The following OTUD7B variants were observed in gnomAD, a reference collection of about 807,000 sequenced individuals.
OTUD7B encodes OTU domain-containing protein 7B.
OTUD7B carries 34 observed loss-of-function variants against 82.2 expected under a neutral mutation model. That is an observed-to-expected ratio of 0.41 (90% CI 0.31 to 0.55). OTUD7B has a LOEUF of 0.55. OTUD7B is among the 20% of genes least tolerant of loss of function. The probability of loss-of-function intolerance (pLI) is 0.20; values close to 1 mark genes in which losing one functional copy is unlikely to be tolerated. For synonymous variants in OTUD7B, 398 were observed against 402.7 expected, an observed-to-expected ratio of 0.99 and a Z score of 0.14; for missense variants, 944 against 1,062.1, an observed-to-expected ratio of 0.89 and a Z score of 1.55.
the OTUD7B span, among the ~76,000 whole-genome samples, chr1:150,058,157 T>A: frequency 6.6e-6 from 1 of 152,212 alleles, no homozygotes; most frequent in East Asian, 1.9e-4. Context: ...CTTGACCCTC[T>A]ACTGCTTTGC....
At position 149,944,090 on chromosome 1, in the gene OTUD7B, G is replaced by A. The variant is rs367568103; in HGVS notation, c.2299C>T (p.Pro767Ser). The stretch of plus-strand genomic sequence containing the variant: ...TAGGAATCAGCCACTCGGTAGGGGG[G>A]TGGTAACAAGGCACCCCTGTGAAGT... ...DGLHRGALLP[P>S]PYRVADSYSN... is the part of the protein sequence containing the mutation. Residue 767 changes from proline to serine, a missense_variant, in exon 12 of 12, where the codon CCC (proline) becomes TCC (serine). Pro to Ser is a moderately conservative substitution (Grantham distance 74). Coordinates refer to ENST00000581312, the MANE Select transcript of OTUD7B (RefSeq NM_020205.4). The A allele has an allele frequency of 1.9e-6, 3 of 1,613,990 alleles. No individual in the cohort carries two copies. In the African/African-American group the frequency reaches 4.0e-5, roughly 22 times the overall value.
At chr1:149,949,286 GAGTCCCCACC>G in intron 9 of OTUD7B, among the ~76,000 whole-genome samples, 1 of 152,270 alleles carries the variant, frequency 6.6e-6, no homozygotes, top group South Asian at 2.1e-4. Context: ...AAATCTCCCT[GAGTCCCCACC>G]AGTCAGTCAA....
At chr1:150,052,137 T>C in the OTUD7B span, among the ~76,000 whole-genome samples, 2 of 152,116 alleles carry the variant, frequency 1.3e-5, no homozygotes, top group African/African-American at 4.8e-5. Context: ...CTCTCACCAC[T>C]CCTATTCAAC....
intron 7 of OTUD7B, among the ~76,000 whole-genome samples, chr1:149,950,893 G>C (rs1368611202): frequency 6.9e-6 from 1 of 144,434 alleles, no homozygotes; most frequent in Non-Finnish European, 1.5e-5. Flanking sequence ...CCAAGTTCAC[G>C]CCATTCTCCT....
At chr1:150,012,812 T>C (rs1308579052), upstream of OTUD7B, among the ~76,000 whole-genome samples, 2 of 152,228 alleles carry the variant, frequency 1.3e-5, no homozygotes, top group Non-Finnish European at 2.9e-5. Context: ...CATTGTTGTT[T>C]GTGCAGTTGC....
the OTUD7B span, among the ~76,000 whole-genome samples, chr1:150,051,677 G>A: frequency 6.6e-6 from 1 of 152,144 alleles, no homozygotes; most frequent in African/African-American, 2.4e-5. Flanking sequence ...AAGGAAAGTT[G>A]CAAAGGTTAA....
At chr1:150,021,574 A>C in the OTUD7B span, among the ~76,000 whole-genome samples, 1 of 152,230 alleles carries the variant, frequency 6.6e-6, no homozygotes, top group East Asian at 1.9e-4. Flanking sequence ...AACCAGTGCT[A>C]CAGAGTGAAA....
the OTUD7B span, among the ~76,000 whole-genome samples, chr1:150,020,174 A>T: frequency 2.6e-5 from 4 of 152,038 alleles, no homozygotes; most frequent in African/African-American, 9.7e-5. Context: ...GCCTACTTTT[A>T]AGGTAGGTGA....
At chr1:150,065,773 AG>A in the OTUD7B span, among the ~76,000 whole-genome samples, 16,113 of 150,892 alleles carry the variant, frequency 0.11, 1,197 homozygotes, top group Non-Finnish European at 0.16. Flanking sequence ...GGTTTTCTTC[AG>A]GAAGGAAGGA....
the OTUD7B span, among the ~76,000 whole-genome samples, chr1:150,042,644 G>A: frequency 6.6e-6 from 1 of 152,028 alleles, no homozygotes; most frequent in African/African-American, 2.4e-5. Context: ...CTGGGCTAAT[G>A]AGCAGCATGC....
At position 149,944,146 on chromosome 1, in the gene OTUD7B, G is replaced by A. The variant is rs782581576; in HGVS notation, c.2243C>T (p.Ser748Phe). The change falls in exon 12 of 12, where the codon TCT (serine) becomes TTT (phenylalanine). Residue 748 changes from serine (S) to phenylalanine (F), a missense_variant. Physicochemically the swap from Ser to Phe is radical, Grantham distance 155. This residue lies in a region of OTUD7B where 412 missense variants were observed against 418.7 expected (regional missense o/e 0.98). Coordinates refer to ENST00000581312, the MANE Select transcript of OTUD7B (RefSeq NM_020205.4). Reference sequence around the variant, plus strand: ...CTTAGAGTGGCTGCCTGGCTCCAGAGAAGGGATGCTGTCCTGGTGGGGGTA... The same window carrying A: ...CTTAGAGTGGCTGCCTGGCTCCAGAAAAGGGATGCTGTCCTGGTGGGGGTA... ...RPYPHQDSIPSLEPGSHSKDG... is the reference protein window; with the variant it reads ...RPYPHQDSIPFLEPGSHSKDG... 4.3e-6 allele frequency: 7 copies of A among 1,614,058 alleles called. No homozygotes were observed. The highest frequency in any genetic ancestry group is 1.7e-5 in the Admixed American group (1 of 60,016).
At chr1:150,000,705 A>T (rs1652223326) in intron 1 of OTUD7B, among the ~76,000 whole-genome samples, 1 of 152,124 alleles carries the variant, frequency 6.6e-6, no homozygotes, top group Non-Finnish European at 1.5e-5. Flanking sequence ...GGGACCAGGC[A>T]TGGTGGCTCA....
In OTUD7B at chr1:149,997,988, G is replaced by A. The variant is rs187021640; in HGVS notation, c.-67+12460C>T. On this transcript the variant is annotated intron_variant, in intron 1 of 11. Transcript: ENST00000581312. Reference sequence around the variant, plus strand: ...GAATTCAGTATCCACTGAGAATGCTGAGCCAGACTCAGTACCTTTCAAAGC... The same window carrying A: ...GAATTCAGTATCCACTGAGAATGCTAAGCCAGACTCAGTACCTTTCAAAGC... Among the ~76,000 whole-genome samples the A allele has an allele frequency of 8.5e-5, 13 of 152,202 alleles. No homozygotes were observed. The East Asian group carries it at 2.5e-3, about 29-fold the overall frequency.
the OTUD7B span, among the ~76,000 whole-genome samples, chr1:150,041,755 G>T: frequency 6.6e-6 from 1 of 151,996 alleles, no homozygotes; most frequent in Non-Finnish European, 1.5e-5. Context: ...AATTGAGTGT[G>T]CCTTTTATTG....
chr1:149,968,870 C>T (rs1246308287), intron 3 of OTUD7B, among the ~76,000 whole-genome samples: 1 of 149,550 alleles, frequency 6.7e-6, no homozygotes, highest in Admixed American at 6.6e-5. Context: ...GCCACCACAC[C>T]CAGCTAATTT....
At chr1:149,945,960 T>C (rs1647685428) in intron 11 of OTUD7B, among the ~76,000 whole-genome samples, 1 of 151,968 alleles carries the variant, frequency 6.6e-6, no homozygotes, top group Admixed American at 6.6e-5. Flanking sequence ...CTCAGGAGGC[T>C]GAGGCAGGAG....
chr1:149,944,571 C>T lies in OTUD7B; in HGVS notation c.1818G>A (p.Glu606=), dbSNP rs1553771502. 6.2e-7 allele frequency: 1 copy of T among 1,614,128 alleles called. No homozygotes were observed. Among genetic ancestry groups the T allele is most frequent in the Non-Finnish European group, 8.5e-7 (1 of 1,180,034 alleles). Residue 606 remains glutamate (E), a synonymous_variant, in exon 12 of 12, where the codon GAG becomes GAA. Transcript: ENST00000581312. ...LSILRTAMQG[E]GKFIFVGTLK... ...GGGTTCCAACAAAAATAAACTTCCC[C>T]TCCCCTTGCATGGCAGTCCTCAGAA...
chr1:150,051,169 CA>C, the OTUD7B span, among the ~76,000 whole-genome samples: 2 of 136,762 alleles, frequency 1.5e-5, no homozygotes, highest in African/African-American at 5.5e-5. Flanking sequence ...GCAGAGGTTG[CA>C]GTGAACCGAG....
At chr1:149,970,261 G>A (rs1176421144) in intron 3 of OTUD7B, among the ~76,000 whole-genome samples, 1 of 150,390 alleles carries the variant, frequency 6.6e-6, no homozygotes, top group East Asian at 1.9e-4. Context: ...AAATAATGCT[G>A]CTGTGAATAT....
Sources: allele counts gnomAD v4.1 joint callset (sites outside exome capture counted in the v4.1 genomes callset), GRCh38; gene constraint gnomAD v4.1.1; regional missense constraint gnomAD v4.1.1; transcripts MANE v1.5; gene names NCBI Gene and HGNC (gene_info 2026-07-23, HGNC 2026-07-21).